The following STXBP3 variants were observed in gnomAD, a reference collection of about 807,000 sequenced individuals.
STXBP3 encodes the protein syntaxin-binding protein 3.
STXBP3 carries 41 observed loss-of-function variants against 85.7 expected under a neutral mutation model. The observed-to-expected ratio is 0.48, with a 90% CI of 0.37 to 0.62. The LOEUF (loss-of-function observed/expected upper bound fraction) is 0.62. Among genes scored for constraint, STXBP3 ranks in the 20% least tolerant of loss-of-function variants. STXBP3 has a pLI of 0.00. For synonymous variants in STXBP3, 229 were observed against 231.7 expected, an observed-to-expected ratio of 0.99 and a Z score of 0.10; for missense variants, 563 against 703.1, an observed-to-expected ratio of 0.80 and a Z score of 2.25.
intron 5 of STXBP3, among the ~76,000 whole-genome samples, 159 bp downstream of exon 5, chr1:108,758,747 GCTAGAAAGAAT>G (rs1662070608): frequency 6.6e-6 from 1 of 151,772 alleles, no homozygotes; most frequent in South Asian, 2.1e-4. Flanking sequence ...TTCTAATTAG[GCTAGAAAGAAT>G]CTAAAAATGT....
At chr1:108,762,069 A>G (rs1178929043) in intron 6 of STXBP3, among the ~76,000 whole-genome samples, 1 of 152,242 alleles carries the variant, frequency 6.6e-6, no homozygotes, top group Non-Finnish European at 1.5e-5. Flanking sequence ...GTGAAAATGT[A>G]AATGAAATAC....
intron 14 of STXBP3, 64 bp downstream of exon 14, chr1:108,796,436 C>G: frequency 7.8e-7 from 1 of 1,281,376 alleles, no homozygotes; most frequent in South Asian, 1.5e-5. Context: ...TCTTTGAAAA[C>G]TGAAAGATAG....
Position 108,809,043 on chromosome 1 carries a change from T to G in STXBP3, c.*166T>G. 1.9e-6 allele frequency: 1 copy of G among 530,306 alleles called. No individual in the cohort carries two copies. The highest frequency in any genetic ancestry group is 2.6e-5 in the South Asian group (1 of 39,092). The allele number at this position is 530,306 out of a possible 1,614,324, so 32.9% of individuals were successfully genotyped here. On this transcript the variant is annotated 3_prime_UTR_variant, in exon 19 of 19. Transcript: ENST00000370008. ...TATGATTATTACTGGATTTGTCATT[T>G]TTGATAATTTAAATATTGCTGCTGC...
chr1:108,795,037 G>A, intron 13 of STXBP3, 130 bp downstream of exon 13: 2 of 670,176 alleles, frequency 3.0e-6, no homozygotes, highest in Non-Finnish European at 5.0e-6. Context: ...CTTATCAGGG[G>A]AGCCACCTAG....
At position 108,752,430 on chromosome 1, in the gene STXBP3, G is replaced by A. The variant is rs558031770; in HGVS notation, c.99+124G>A. ...AGTATAAGTAATCTAAAGATAATTT[G>A]ACGTATGTGGGAGGATGTGTGTAGG... On this transcript the variant is annotated intron_variant, in intron 2 of 18. Coordinates refer to ENST00000370008, the MANE Select transcript of STXBP3 (RefSeq NM_007269.4). 25 of 854,048 alleles carry A rather than the reference G, an allele frequency of 2.9e-5. No homozygotes were observed. In the South Asian group the frequency reaches 4.9e-4, roughly 17 times the overall value. 52.9% of individuals were successfully genotyped at this position (854,048 alleles called of 1,614,324 possible). A position where few individuals can be genotyped will look rare whatever the true frequency, so the allele number is the denominator to read the frequency against.
At chr1:108,780,477 G>A (rs1218513335) in intron 9 of STXBP3, 1 of 148,100 alleles carries the variant, frequency 6.8e-6, no homozygotes, top group Middle Eastern at 3.3e-3. Flanking sequence ...TCAGAGATAA[G>A]AATTAGATGG....
At chr1:108,767,740 C>T (rs189538227) in intron 6 of STXBP3, among the ~76,000 whole-genome samples, 17 of 152,082 alleles carry the variant, frequency 1.1e-4, no homozygotes, top group Non-Finnish European at 1.5e-4. Flanking sequence ...CATGCCAGCA[C>T]GCCCAGCTAA....
intron 7 of STXBP3, among the ~76,000 whole-genome samples, chr1:108,774,325 T>G (rs547514340): frequency 4.6e-5 from 7 of 152,320 alleles, no homozygotes; most frequent in Non-Finnish European, 7.4e-5. Context: ...TGTAAAGCAT[T>G]CAGCACTAAT....
rs766584613 is a variant in STXBP3 at position 108,796,790 on chromosome 1, CTGTT to C, written c.1356+66_1356+69del. Reference sequence around the variant, plus strand: ...GTGTATGTATGGTTGTATGTATTAACTGTTTTTTTTTTTTATGTGGACAGTCTTC... The same window carrying C: ...GTGTATGTATGGTTGTATGTATTAACTTTTTTTTTTATGTGGACAGTCTTC... On this transcript the variant is annotated intron_variant, in intron 15 of 18. Transcript: ENST00000370008. The C allele has an allele frequency of 1.0e-3, 1,225 of 1,220,378 alleles. 15 individuals are homozygous for C. Among genetic ancestry groups the C allele is most frequent in the Admixed American group, 2.9e-4 (10 of 34,168 alleles). The allele number at this position is 1,220,378 out of a possible 1,614,324, so 75.6% of individuals were successfully genotyped here.
intron 6 of STXBP3, among the ~76,000 whole-genome samples, chr1:108,772,014 CTG>C (rs375399430): frequency 0.28 from 24 of 86 alleles, 12 homozygotes; most frequent in Admixed American, 0.4. Context: ...CATATGATAT[CTG>C]TATCATATAT....
chr1:108,776,464 G>T, intron 8 of STXBP3, 41 bp downstream of exon 8: 1 of 1,460,224 alleles, frequency 6.8e-7, no homozygotes. Context: ...CATAAAGTCT[G>T]TCTTATTTCT....
chr1:108,807,257 C>CAAAA (rs201346701), intron 17 of STXBP3, 144 bp from the exon 18 acceptor site: 1,308 of 698,100 alleles, frequency 1.9e-3, no homozygotes, highest in Admixed American at 2.9e-3. Context: ...GACTCCACCT[C>CAAAA]AAAAAAAAAA....
intron 7 of STXBP3, among the ~76,000 whole-genome samples, chr1:108,774,661 T>G (rs1319105835): frequency 1.6e-5 from 1 of 63,594 alleles, no homozygotes; most frequent in Non-Finnish European, 3.3e-5. Flanking sequence ...TTTTTTTTTT[T>G]GAGATGGGGG....
chr1:108,762,740 C>T lies in STXBP3; in HGVS notation c.438+2655C>T, dbSNP rs1292825505. ...TGATCTTGTTGAAATTTGCCACCATCATGTTGAAGCAATGAACCTTCACCC... is the reference window on the plus strand; with the variant it reads ...TGATCTTGTTGAAATTTGCCACCATTATGTTGAAGCAATGAACCTTCACCC... On this transcript the variant is annotated intron_variant, in intron 6 of 18. Coordinates refer to ENST00000370008, the MANE Select transcript of STXBP3 (RefSeq NM_007269.4). 2.0e-5 allele frequency among the ~76,000 whole-genome samples: 3 copies of T among 152,108 alleles called. No individual in the cohort carries two copies. The East Asian group carries it at 5.8e-4, about 29-fold the overall frequency.
intron 6 of STXBP3, chr1:108,766,757 A>G (rs1048485349): frequency 1.0e-5 from 2 of 199,734 alleles, no homozygotes; most frequent in Non-Finnish European, 2.1e-5. Flanking sequence ...ACTGGACCAT[A>G]GTAAGCAGAA....
chr1:108,755,856 T>C (rs1369628807), intron 3 of STXBP3, among the ~76,000 whole-genome samples: 1 of 152,296 alleles, frequency 6.6e-6, no homozygotes, highest in East Asian at 1.9e-4. Flanking sequence ...GTAGTAGTTA[T>C]GATAAACCTA....
rs866864343 is a variant in STXBP3, at chr1:108,796,773, A to G, written c.1356+47A>G. The G allele has an allele frequency of 7.8e-6, 11 of 1,414,266 alleles. No homozygotes were observed. In the Middle Eastern group the frequency reaches 9.0e-4, roughly 116 times the overall value. The allele number at this position is 1,414,266 out of a possible 1,614,324, so 87.6% of individuals were successfully genotyped here. Reference sequence around the variant, plus strand: ...ATATACTTTATATGTATGTGTATGTATGGTTGTATGTATTAACTGTTTTTT... The same window carrying G: ...ATATACTTTATATGTATGTGTATGTGTGGTTGTATGTATTAACTGTTTTTT... On this transcript the variant is annotated intron_variant, in intron 15 of 18. Coordinates refer to ENST00000370008, the MANE Select transcript of STXBP3 (RefSeq NM_007269.4).
intron 6 of STXBP3, chr1:108,766,862 T>C: frequency 2.2e-6 from 1 of 447,646 alleles, no homozygotes. Flanking sequence ...ACTGACTTTG[T>C]GGTCTATACT....
intron 11 of STXBP3, among the ~76,000 whole-genome samples, chr1:108,788,800 G>A (rs755876157): frequency 2.6e-5 from 4 of 151,954 alleles, no homozygotes; most frequent in Admixed American, 6.6e-5. Context: ...GGTGGCTCAC[G>A]TCTGTAATCC....
Sources: gnomAD v4.1 joint callset for allele counts (sites outside exome capture counted in the v4.1 genomes callset) on GRCh38, gnomAD v4.1.1 for gene constraint, MANE v1.5 for transcripts, NCBI Gene and HGNC (gene_info 2026-07-23, HGNC 2026-07-21) for gene names.